The following RREB1 variants were observed in gnomAD, a reference collection of about 807,000 sequenced individuals.
The protein encoded by RREB1 is ras responsive element binding protein 1, also known as ras-responsive element-binding protein 1.
RREB1 carries 27 observed loss-of-function variants against 117.8 expected under a neutral mutation model. The ratio of observed to expected loss-of-function variants is 0.23; its 90% CI spans 0.17 to 0.32. The LOEUF (loss-of-function observed/expected upper bound fraction) is 0.32. Among genes scored for constraint, RREB1 ranks in the 10% least tolerant of loss-of-function variants. The pLI, the probability that RREB1 is intolerant of heterozygous loss-of-function variation, is 1.00. For synonymous variants in RREB1, 1,298 were observed against 1,026.7 expected, an observed-to-expected ratio of 1.26 and a Z score of -5.05; for missense variants, 2,577 against 2,378.2, an observed-to-expected ratio of 1.08 and a Z score of -1.74.
At chr6:7,110,264 T>C (rs1023780692) in intron 1 of RREB1, among the ~76,000 whole-genome samples, 1 of 152,190 alleles carries the variant, frequency 6.6e-6, no homozygotes, top group Non-Finnish European at 1.5e-5. Flanking sequence ...TCCTCTAGAT[T>C]TGGTGCTTTT....
rs781061602 is a variant in RREB1 at position 7,249,211 on chromosome 6, C to G, written c.*243C>G. 2.1e-6 allele frequency: 1 copy of G among 467,442 alleles called. No individual in the cohort carries two copies. The highest frequency in any genetic ancestry group is 3.8e-6 in the Non-Finnish European group (1 of 266,000). The allele number at this position is 467,442 out of a possible 1,614,324, so 29.0% of individuals were successfully genotyped here. On this transcript the variant is annotated 3_prime_UTR_variant, in exon 13 of 13. Coordinates refer to ENST00000379938, the MANE Select transcript of RREB1 (RefSeq NM_001003699.4). Reference sequence around the variant, plus strand: ...TGCCTTAACTACTTACCGGATCCCTCCATATTATCATGGGTGTTGTATTTT... The same window carrying G: ...TGCCTTAACTACTTACCGGATCCCTGCATATTATCATGGGTGTTGTATTTT...
chr6:7,118,469 T>G (rs888708790), intron 1 of RREB1, among the ~76,000 whole-genome samples: 1 of 152,206 alleles, frequency 6.6e-6, no homozygotes, highest in Non-Finnish European at 1.5e-5. Flanking sequence ...TTAGGAATTT[T>G]AAATGTTTTG....
At chr6:7,200,722 C>T (rs947695601) in intron 6 of RREB1, among the ~76,000 whole-genome samples, 22 of 152,202 alleles carry the variant, frequency 1.4e-4, no homozygotes, top group African/African-American at 5.1e-4. Flanking sequence ...GACACTGTCC[C>T]CTCAGTGGAC....
chr6:7,180,315 C>G (rs946288486), intron 2 of RREB1, among the ~76,000 whole-genome samples: 2 of 152,120 alleles, frequency 1.3e-5, no homozygotes, highest in Admixed American at 1.3e-4. Flanking sequence ...TTCTCATATG[C>G]TAGGTCATAT....
chr6:7,153,726 C>G (rs576182849), intron 1 of RREB1, among the ~76,000 whole-genome samples: 7 of 152,238 alleles, frequency 4.6e-5, no homozygotes, highest in Non-Finnish European at 8.8e-5. Flanking sequence ...ATAATGAAGT[C>G]AGGCTAAGCG....
At chr6:7,119,336 C>G (rs1052689183) in intron 1 of RREB1, among the ~76,000 whole-genome samples, 4 of 151,832 alleles carry the variant, frequency 2.6e-5, no homozygotes, top group African/African-American at 9.7e-5. Context: ...GGTGACAGAG[C>G]GAGACTCCAT....
At chr6:7,237,722 GTTA>G (rs1768427397) in intron 10 of RREB1, among the ~76,000 whole-genome samples, 1 of 152,144 alleles carries the variant, frequency 6.6e-6, no homozygotes, top group South Asian at 2.1e-4. Context: ...TGAAACCTGC[GTTA>G]TTATAAAATA....
rs763655226 is a variant in RREB1 at position 7,229,486 on chromosome 6, T to C, written c.1387T>C (p.Ser463Pro). Residue 463 changes from serine (S) to proline (P), a missense_variant, in exon 10 of 13, where the codon TCG becomes CCG. Coordinates refer to ENST00000379938, the MANE Select transcript of RREB1 (RefSeq NM_001003699.4). The surrounding 1 kb of genome is among the most constrained non-coding windows in gnomAD (Gnocchi z 4.5). ...SIVVKPISGESAIELADIQQI... is the reference protein window; with the variant it reads ...SIVVKPISGEPAIELADIQQI... Reference sequence around the variant, plus strand: ...TGTGGTCAAGCCCATCTCTGGCGAGTCGGCCATCGAGCTGGCAGACATCCA... The same window carrying C: ...TGTGGTCAAGCCCATCTCTGGCGAGCCGGCCATCGAGCTGGCAGACATCCA... 45 of 1,614,024 alleles carry C rather than the reference T, an allele frequency of 2.8e-5. No homozygotes were observed. Among genetic ancestry groups the C allele is most frequent in the Non-Finnish European group, 3.8e-5 (45 of 1,180,020 alleles).
At chr6:7,197,832 C>G (rs1393219410) in intron 6 of RREB1, among the ~76,000 whole-genome samples, 3 of 152,170 alleles carry the variant, frequency 2.0e-5, no homozygotes, top group Non-Finnish European at 4.4e-5. Context: ...CAGGAAGAGG[C>G]TTATATGTTC....
At chr6:7,182,621 G>C (rs180722379) in intron 4 of RREB1, among the ~76,000 whole-genome samples, 8 of 152,304 alleles carry the variant, frequency 5.3e-5, no homozygotes, top group Middle Eastern at 3.4e-3. Context: ...AAGGGTTAAT[G>C]CTGTTACAAA....
chr6:7,231,345 G>A lies in RREB1; in HGVS notation c.3246G>A (p.Leu1082=), dbSNP rs541215584. 4 of 1,612,216 alleles carry A rather than the reference G, an allele frequency of 2.5e-6. No homozygotes were observed. Among genetic ancestry groups the A allele is most frequent in the Admixed American group, 3.3e-5 (2 of 59,936 alleles). ...ISSVSSAPTL[L]KTKVADPGPA... is the part of the protein sequence containing the mutation. ...CTGTATCCTCGGCCCCCACCCTGCT[G>A]AAAACCAAGGTGGCGGACCCAGGGC... Residue 1082 remains leucine (L), a synonymous_variant, in exon 10 of 13, where the codon CTG becomes CTA. Coordinates refer to ENST00000379938, the MANE Select transcript of RREB1 (RefSeq NM_001003699.4).
intron 6 of RREB1, among the ~76,000 whole-genome samples, chr6:7,207,529 T>G (rs529668327): frequency 6.6e-6 from 1 of 152,298 alleles, no homozygotes; most frequent in South Asian, 2.1e-4. Context: ...TGGTAGGAAC[T>G]GAGGGTATAA....
chr6:7,141,719 T>G (rs931630217), intron 1 of RREB1, among the ~76,000 whole-genome samples: 2 of 152,226 alleles, frequency 1.3e-5, no homozygotes, highest in African/African-American at 4.8e-5. Context: ...AAATGCTCCT[T>G]TAAGCCTTTT....
chr6:7,119,789 G>T (rs981641827), intron 1 of RREB1, among the ~76,000 whole-genome samples: 1 of 152,328 alleles, frequency 6.6e-6, no homozygotes, highest in Admixed American at 6.5e-5. Context: ...AATAGACCTG[G>T]CTAGAAGGAA....
intron 6 of RREB1, among the ~76,000 whole-genome samples, chr6:7,194,505 C>T (rs1765572305): frequency 6.6e-6 from 1 of 152,120 alleles, no homozygotes; most frequent in Non-Finnish European, 1.5e-5. Context: ...GAGCCGAGAT[C>T]TTGCCACTGC....
At chr6:7,248,098 C>T (rs1216788928) in intron 12 of RREB1, among the ~76,000 whole-genome samples, 2 of 152,230 alleles carry the variant, frequency 1.3e-5, no homozygotes. Context: ...CGCTGCACCA[C>T]ATCGCAATGC....
At chr6:7,245,558 C>T (rs1768952558) in intron 11 of RREB1, among the ~76,000 whole-genome samples, 1 of 152,188 alleles carries the variant, frequency 6.6e-6, no homozygotes, top group Non-Finnish European at 1.5e-5. Context: ...GTGAATATTG[C>T]AGCCGTGCCA....
chr6:7,199,639 T>TTGTG (rs575977776), intron 6 of RREB1, among the ~76,000 whole-genome samples: 1 of 151,792 alleles, frequency 6.6e-6, no homozygotes, highest in African/African-American at 2.4e-5. Flanking sequence ...TGCTTGGGTT[T>TTGTG]TGTGTGTGTG....
In RREB1 at chr6:7,229,299, A is replaced by G; in HGVS notation, c.1200A>G (p.Leu400=). 6.2e-7 allele frequency: 1 copy of G among 1,614,118 alleles called. No individual in the cohort carries two copies. The highest frequency in any genetic ancestry group is 8.5e-7 in the Non-Finnish European group (1 of 1,180,010). ...AGCTCCAGACACTCAAGTGTCAGCT[A>G]CCTCAGGACCCCGGCTGCACCAACC... ...AIQLQTLKCQ[L]PQDPGCTNLL... is the part of the protein sequence containing the mutation. Residue 400 remains leucine (L), a synonymous_variant, in exon 10 of 13, where the codon CTA becomes CTG. Coordinates refer to ENST00000379938, the MANE Select transcript of RREB1 (RefSeq NM_001003699.4). This position sits in a 1 kb window ranked among gnomAD's most constrained non-coding sequence, Gnocchi z 4.5.
Sources: gnomAD v4.1 joint callset for allele counts (sites outside exome capture counted in the v4.1 genomes callset) on GRCh38, gnomAD v4.1.1 for gene constraint, Gnocchi (gnomAD v3.1) non-coding constraint, MANE v1.5 for transcripts, NCBI Gene and HGNC (gene_info 2026-07-23, HGNC 2026-07-21) for gene names.